The following C1GALT1 variants were observed in gnomAD, a reference collection of about 807,000 sequenced individuals.
C1GALT1 encodes glycoprotein-N-acetylgalactosamine 3-beta-galactosyltransferase 1.
Under a neutral mutation model 31.0 loss-of-function variants are expected in C1GALT1, and 11 were observed. The observed-to-expected ratio is 0.36, with a 90% CI of 0.22 to 0.59. C1GALT1 has a LOEUF of 0.59. Among genes scored for constraint, C1GALT1 ranks in the 20% least tolerant of loss-of-function variants. C1GALT1 has a pLI of 0.79. For missense variants in C1GALT1, 424 were observed against 425.2 expected (o/e 1.00, Z 0.03); for synonymous variants, 175 against 143.6 (o/e 1.22, Z -1.56).
intron 1 of C1GALT1, among the ~76,000 whole-genome samples, chr7:7,209,090 C>A (rs1781878253): frequency 6.6e-6 from 1 of 152,216 alleles, no homozygotes; most frequent in Non-Finnish European, 1.5e-5. Flanking sequence ...TATCTCACAA[C>A]ACATCTTGTC....
At chr7:7,209,846 G>A (rs1323198223) in intron 1 of C1GALT1, among the ~76,000 whole-genome samples, 2 of 152,186 alleles carry the variant, frequency 1.3e-5, no homozygotes, top group East Asian at 3.9e-4. Context: ...GAAGGGAGAT[G>A]GGGTGGGGCC....
intron 1 of C1GALT1, among the ~76,000 whole-genome samples, chr7:7,204,467 C>T (rs1479905491): frequency 2.0e-5 from 3 of 151,754 alleles, no homozygotes; most frequent in Admixed American, 6.6e-5. Context: ...TTTTCTTAGT[C>T]TAGCTAGAGA....
At chr7:7,237,632 G>T (rs10487590) in intron 2 of C1GALT1, among the ~76,000 whole-genome samples, 22,203 of 152,146 alleles carry the variant, frequency 0.15, 2,022 homozygotes, top group Middle Eastern at 0.27. Context: ...TTGGAATGAG[G>T]TATGTGACTA....
At chr7:7,213,959 T>C (rs1346933675) in intron 1 of C1GALT1, among the ~76,000 whole-genome samples, 2 of 152,222 alleles carry the variant, frequency 1.3e-5, no homozygotes, top group Non-Finnish European at 2.9e-5. Flanking sequence ...AATTGGCTTA[T>C]TTTGTAATCA....
intron 1 of C1GALT1, among the ~76,000 whole-genome samples, chr7:7,232,497 G>GT (rs72339945): frequency 1.1e-3 from 155 of 134,892 alleles, no homozygotes; most frequent in South Asian, 9.8e-3. Context: ...TTTTTTTTTT[G>GT]TTTTTTTTTT....
intron 2 of C1GALT1, among the ~76,000 whole-genome samples, chr7:7,169,288 T>A (rs1780428601): frequency 6.6e-6 from 1 of 152,230 alleles, no homozygotes; most frequent in African/African-American, 2.4e-5. Context: ...TTCCACCTTT[T>A]GGCTATTATG....
intron 1 of C1GALT1, among the ~76,000 whole-genome samples, chr7:7,202,291 A>C (rs1202164352): frequency 6.6e-6 from 1 of 151,992 alleles, no homozygotes; most frequent in African/African-American, 2.4e-5. Context: ...TCTTCGAGTA[A>C]AAGTTCACGG....
intron 2 of C1GALT1, among the ~76,000 whole-genome samples, chr7:7,157,900 T>C (rs1159412109): frequency 1.3e-5 from 2 of 152,210 alleles, no homozygotes; most frequent in Non-Finnish European, 2.9e-5. Context: ...CTAAAATTGC[T>C]GTATTTTCCT....
chr7:7,187,065 AG>A (rs1780847497), intron 1 of C1GALT1, among the ~76,000 whole-genome samples: 1 of 152,196 alleles, frequency 6.6e-6, no homozygotes, highest in African/African-American at 2.4e-5. Context: ...ATGTTGTTGG[AG>A]TAGTTAAAAG....
chr7:7,162,059 C>G (rs572310406), intron 2 of C1GALT1, among the ~76,000 whole-genome samples: 55 of 144,896 alleles, frequency 3.8e-4, no homozygotes, highest in Non-Finnish European at 7.3e-4. Context: ...ATTTATCTTT[C>G]TTCATTTCTT....
chr7:7,209,617 C>T (rs556480122), intron 1 of C1GALT1: 1 of 152,340 alleles, frequency 6.6e-6, no homozygotes, highest in African/African-American at 2.4e-5. Flanking sequence ...TCAGCCTACT[C>T]CTGGGACAGG....
At chr7:7,169,922 G>T (rs1345460493) in intron 2 of C1GALT1, among the ~76,000 whole-genome samples, 2 of 152,222 alleles carry the variant, frequency 1.3e-5, no homozygotes, top group East Asian at 3.8e-4. Context: ...AGTTTGAGAA[G>T]AATTGGTGTT....
rs1416049073 is a variant in C1GALT1 at position 7,238,025 on chromosome 7, A to G, written c.221-230A>G. Reference sequence around the variant, plus strand: ...CTACAGTTTGAGACGAATTTAGATTATAATGTCAACTCTTACTAGCTCCAG... The same window carrying G: ...CTACAGTTTGAGACGAATTTAGATTGTAATGTCAACTCTTACTAGCTCCAG... On this transcript the variant is annotated intron_variant, in intron 2 of 3. Transcript: ENST00000436587. The surrounding 1 kb of genome is among the most constrained non-coding windows in gnomAD (Gnocchi z 5.2). Among the ~76,000 whole-genome samples, 2 of 152,198 alleles carry G rather than the reference A, an allele frequency of 1.3e-5. No homozygotes were observed. Among genetic ancestry groups the G allele is most frequent in the African/African-American group, 4.8e-5 (2 of 41,450 alleles).
At chr7:7,217,263 A>G (rs1014544134) in intron 1 of C1GALT1, among the ~76,000 whole-genome samples, 7 of 152,158 alleles carry the variant, frequency 4.6e-5, no homozygotes, top group Admixed American at 1.3e-4. Flanking sequence ...TAGGCCAGAA[A>G]GAAGAAAGAA....
rs1336937681 is a variant in C1GALT1, at chr7:7,210,158, T to C, written c.-17-24145T>C. 3.3e-5 allele frequency among the ~76,000 whole-genome samples: 5 copies of C among 152,106 alleles called. 1 individual carries two copies. Among genetic ancestry groups the C allele is most frequent in the Admixed American group, 2.6e-4 (4 of 15,282 alleles). ...GGGCTCAGAGGCCTGACAGAACCTG[T>C]TGAGGTTGCAAAAAATATTTGTGAC... On this transcript the variant is annotated intron_variant, in intron 1 of 3. Transcript: ENST00000436587.
At chr7:7,204,402 C>A (rs948278230) in intron 1 of C1GALT1, among the ~76,000 whole-genome samples, 3 of 151,920 alleles carry the variant, frequency 2.0e-5, no homozygotes, top group African/African-American at 7.2e-5. Flanking sequence ...TTCTGTGAAA[C>A]TATTAGCAAT....
chr7:7,205,683 C>CT (rs1188110572), intron 1 of C1GALT1, among the ~76,000 whole-genome samples: 1 of 151,994 alleles, frequency 6.6e-6, no homozygotes, highest in Non-Finnish European at 1.5e-5. Flanking sequence ...CTTTTGTAAC[C>CT]TTTTTTGATT....
chr7:7,219,083 C>T (rs1215682219), intron 1 of C1GALT1, among the ~76,000 whole-genome samples: 1 of 152,144 alleles, frequency 6.6e-6, no homozygotes, highest in African/African-American at 2.4e-5. Flanking sequence ...CGTGATCCGC[C>T]CGCCTCGGCC....
rs1320482951 is a variant in C1GALT1, at chr7:7,207,429, AGCT to A, written c.-18+24610_-18+24612del. 3.2e-5 allele frequency among the ~76,000 whole-genome samples: 4 copies of A among 124,780 alleles called. No homozygotes were observed. In the East Asian group the frequency reaches 1.1e-3, roughly 33 times the overall value. 81.9% of individuals were successfully genotyped at this position (124,780 alleles called of 152,430 possible). ...TGGGCTCAAGCAATCCTCCCATCCC[AGCT>A]TCCTGGGTAGCTGGGACTGTAGTTG... On this transcript the variant is annotated intron_variant, in intron 1 of 3. Coordinates refer to ENST00000436587, the MANE Select transcript of C1GALT1 (RefSeq NM_020156.5).
Sources: allele counts gnomAD v4.1 joint callset (sites outside exome capture counted in the v4.1 genomes callset), GRCh38; gene constraint gnomAD v4.1.1; non-coding constraint Gnocchi (gnomAD v3.1); transcripts MANE v1.5; gene names NCBI Gene and HGNC (gene_info 2026-07-23, HGNC 2026-07-21).